The following XPR1 variants were observed in gnomAD, a reference collection of about 807,000 sequenced individuals.
The protein encoded by XPR1 is xenotropic and polytropic retrovirus receptor 1.
In XPR1, 28 loss-of-function variants were observed where a neutral mutation model predicts 87.5. The observed-to-expected ratio is 0.32, with a 90% CI of 0.24 to 0.44. XPR1 has a LOEUF of 0.44. XPR1 is among the 20% of genes least tolerant of loss of function. The probability of loss-of-function intolerance (pLI) is 1.00; values close to 1 mark genes in which losing one functional copy is unlikely to be tolerated. For missense variants in XPR1, 559 were observed against 862.3 expected, an observed-to-expected ratio of 0.65 and a Z score of 4.41; for synonymous variants, 300 against 306.1, an observed-to-expected ratio of 0.98 and a Z score of 0.21.
chr1:180,774,495 A>G (rs1306419071), intron 2 of XPR1, among the ~76,000 whole-genome samples: 1 of 140,714 alleles, frequency 7.1e-6, no homozygotes, highest in Non-Finnish European at 1.5e-5. Flanking sequence ...GGTTCATGCC[A>G]TTCTCCTGCC....
chr1:180,711,651 A>G (rs76177926), intron 2 of XPR1, among the ~76,000 whole-genome samples: 5,162 of 152,248 alleles, frequency 0.034, 131 homozygotes, highest in African/African-American at 0.07. Flanking sequence ...TATTTTAGAT[A>G]CAAGACCTTT....
intron 13 of XPR1, among the ~76,000 whole-genome samples, chr1:180,878,756 C>A (rs1316590194): frequency 1.3e-5 from 2 of 152,138 alleles, no homozygotes; most frequent in South Asian, 4.1e-4. Context: ...ACTTTACTTC[C>A]CAGCAAAGCA....
intron 2 of XPR1, among the ~76,000 whole-genome samples, chr1:180,684,398 G>C (rs147729298): frequency 6.6e-6 from 1 of 152,148 alleles, no homozygotes; most frequent in Non-Finnish European, 1.5e-5. Context: ...TAGCCTTGTA[G>C]TATAGTTTGA....
chr1:180,725,366 G>C (rs1259164013), intron 2 of XPR1, among the ~76,000 whole-genome samples: 1 of 152,122 alleles, frequency 6.6e-6, no homozygotes. Flanking sequence ...GGGACAGGGA[G>C]TAAAGGGTAA....
chr1:180,654,227 C>A (rs12086487), intron 1 of XPR1, among the ~76,000 whole-genome samples: 6,526 of 151,832 alleles, frequency 0.043, 499 homozygotes, highest in African/African-American at 0.15. Flanking sequence ...TCAGCCTAAT[C>A]TAACCTAGCT....
chr1:180,744,646 A>ATTTTTTTTTTTTTT (rs1295757177), intron 2 of XPR1, among the ~76,000 whole-genome samples: 1 of 48,198 alleles, frequency 2.1e-5, no homozygotes. Context: ...TTTAGGCACA[A>ATTTTTTTTTTTTTT]TTTCTTTCTT....
intron 1 of XPR1, among the ~76,000 whole-genome samples, chr1:180,656,543 T>TA (rs1655523257): frequency 1.2e-4 from 3 of 26,076 alleles, no homozygotes; most frequent in Non-Finnish European, 2.4e-4. Flanking sequence ...TATATAATAT[T>TA]TATATATTTA....
chr1:180,727,623 G>A (rs61809348), intron 2 of XPR1, among the ~76,000 whole-genome samples: 4 of 152,094 alleles, frequency 2.6e-5, no homozygotes, highest in South Asian at 2.1e-4. Flanking sequence ...CAGCCTGGGT[G>A]GCAAGAGTGA....
intron 11 of XPR1, among the ~76,000 whole-genome samples, chr1:180,843,694 CT>C (rs1307457027): frequency 2.6e-4 from 38 of 145,620 alleles, no homozygotes; most frequent in Non-Finnish European, 4.3e-4. Context: ...AAAGAAAAGT[CT>C]TTAAAAAAAA....
intron 1 of XPR1, among the ~76,000 whole-genome samples, chr1:180,663,973 A>C (rs962186943): frequency 3.3e-5 from 5 of 152,134 alleles, no homozygotes; most frequent in African/African-American, 9.7e-5. Flanking sequence ...TTATGGCCCA[A>C]GCGCTCTTCA....
chr1:180,690,732 C>T (rs981086129), intron 2 of XPR1, among the ~76,000 whole-genome samples: 1 of 150,684 alleles, frequency 6.6e-6, no homozygotes, highest in African/African-American at 2.4e-5. Context: ...ATGTAAGTCT[C>T]TTGTGACTAG....
chr1:180,793,021 CT>C (rs1392444503), intron 3 of XPR1, among the ~76,000 whole-genome samples: 1 of 151,642 alleles, frequency 6.6e-6, no homozygotes, highest in Non-Finnish European at 1.5e-5. Context: ...TGAATAACTT[CT>C]TTTTTTTCTG....
intron 12 of XPR1, among the ~76,000 whole-genome samples, chr1:180,872,781 G>A (rs1296723453): frequency 6.6e-6 from 1 of 151,300 alleles, no homozygotes; most frequent in Non-Finnish European, 1.5e-5. Flanking sequence ...CGTCTTCTGC[G>A]TCGCTCACGC....
At chr1:180,874,261 G>T (rs191569991) in intron 13 of XPR1, among the ~76,000 whole-genome samples, 26 of 152,278 alleles carry the variant, frequency 1.7e-4, no homozygotes, top group African/African-American at 6.3e-4. Context: ...TTAGAACGGG[G>T]TTCCATTGAA....
chr1:180,832,928 A>G (rs1558030762), intron 9 of XPR1, among the ~76,000 whole-genome samples: 1 of 152,224 alleles, frequency 6.6e-6, no homozygotes, highest in African/African-American at 2.4e-5. Flanking sequence ...TAGGGATAGC[A>G]TTGAATCTAT....
intron 2 of XPR1, among the ~76,000 whole-genome samples, chr1:180,774,412 T>G (rs1253445666): frequency 8.1e-6 from 1 of 124,204 alleles, no homozygotes; most frequent in Non-Finnish European, 1.6e-5. Context: ...TTTTTTGAGA[T>G]GGAAGTCTTG....
At chr1:180,758,098 T>C (rs1177962462) in intron 2 of XPR1, among the ~76,000 whole-genome samples, 3 of 126,470 alleles carry the variant, frequency 2.4e-5, no homozygotes, top group Middle Eastern at 8.2e-3. Flanking sequence ...TACATATATA[T>C]GAACATATAG....
At chr1:180,833,943 A>G (rs1435434372) in intron 9 of XPR1, among the ~76,000 whole-genome samples, 3 of 152,310 alleles carry the variant, frequency 2.0e-5, no homozygotes, top group East Asian at 3.9e-4. Flanking sequence ...TGAATCATTT[A>G]TCTGTATTTC....
At chr1:180,784,517 C>T (rs1021720888) in intron 2 of XPR1, among the ~76,000 whole-genome samples, 3 of 151,838 alleles carry the variant, frequency 2.0e-5, no homozygotes, top group African/African-American at 4.8e-5. Flanking sequence ...TCTCTTTTAA[C>T]TTTGCTTGTG....
Sources: allele counts gnomAD v4.1 joint callset (sites outside exome capture counted in the v4.1 genomes callset), GRCh38; gene constraint gnomAD v4.1.1; transcripts MANE v1.5; gene names NCBI Gene and HGNC (gene_info 2026-07-23, HGNC 2026-07-21).